Variants in TMEFF2 observed in about 807,000 individuals in gnomAD.
TMEFF2 encodes the protein transmembrane protein with EGF like and two follistatin like domains 2.
In TMEFF2, 28 loss-of-function variants were observed where a neutral mutation model predicts 53.8. The observed-to-expected ratio is 0.52, with a 90% confidence interval of 0.39 to 0.71. The LOEUF is 0.71. TMEFF2 is among the 30% of genes least tolerant of loss of function. The probability of loss-of-function intolerance (pLI) is 0.00; values close to 1 mark genes in which losing one functional copy is unlikely to be tolerated. For missense variants in TMEFF2, 353 were observed against 455.2 expected (o/e 0.78, Z 2.04); for synonymous variants, 162 against 166.3 (o/e 0.97, Z 0.20).
At chr2:192,086,428 A>T (rs1459812605) in intron 4 of TMEFF2, among the ~76,000 whole-genome samples, 1 of 152,132 alleles carries the variant, frequency 6.6e-6, no homozygotes, top group Non-Finnish European at 1.5e-5. Context: ...ATGTCTACCA[A>T]ATCCCTGATT....
In TMEFF2 at chr2:192,177,151, A is replaced by G. The variant is rs549004792; in HGVS notation, c.439+2517T>C. 7 of 151,404 alleles carry G rather than the reference A, an allele frequency of 4.6e-5. No individual in the cohort carries two copies. The East Asian group carries it at 9.7e-4, about 21-fold the overall frequency. 9.4% of individuals were successfully genotyped at this position (151,404 alleles called of 1,614,324 possible). A position where few individuals can be genotyped will look rare whatever the true frequency, so the allele number is the denominator to read the frequency against. On this transcript the variant is annotated intron_variant, in intron 4 of 9. Transcript: ENST00000272771. Reference sequence around the variant, plus strand: ...TTACAATTGTTGGATTAGCCAAACAATCACAAGTTATTCAATCACTTTTGC... The same window carrying G: ...TTACAATTGTTGGATTAGCCAAACAGTCACAAGTTATTCAATCACTTTTGC...
intron 4 of TMEFF2, among the ~76,000 whole-genome samples, chr2:192,075,577 C>T (rs1205640980): frequency 6.6e-6 from 1 of 151,248 alleles, no homozygotes; most frequent in Non-Finnish European, 1.5e-5. Context: ...TAAAGCAAAA[C>T]GAAGGCATAT....
chr2:192,037,289 G>GAAAGA (rs1553515703), intron 5 of TMEFF2, among the ~76,000 whole-genome samples: 1 of 128,256 alleles, frequency 7.8e-6, no homozygotes, highest in Non-Finnish European at 1.6e-5. Context: ...AAGAAAGAAA[G>GAAAGA]AAAGAAAGAA....
intron 4 of TMEFF2, among the ~76,000 whole-genome samples, chr2:192,156,118 G>A (rs2106005856): frequency 6.6e-6 from 1 of 151,924 alleles, no homozygotes; most frequent in African/African-American, 2.4e-5. Flanking sequence ...TACTTAGGCT[G>A]GTGCCCAGGA....
At chr2:192,170,218 CA>C (rs1690873199) in intron 4 of TMEFF2, among the ~76,000 whole-genome samples, 1 of 152,028 alleles carries the variant, frequency 6.6e-6, no homozygotes, top group Non-Finnish European at 1.5e-5. Context: ...TATAGCTCCA[CA>C]TGTCCTTTCA....
chr2:191,990,972 A>T (rs1056610918), intron 7 of TMEFF2, among the ~76,000 whole-genome samples: 2 of 152,072 alleles, frequency 1.3e-5, no homozygotes, highest in Non-Finnish European at 2.9e-5. Flanking sequence ...ATATGATATC[A>T]TCATTCTGCA....
At chr2:191,974,268 T>G (rs10204168) in intron 7 of TMEFF2, among the ~76,000 whole-genome samples, 11,163 of 150,166 alleles carry the variant, frequency 0.074, 447 homozygotes, top group Middle Eastern at 0.11. Context: ...AGAATTTTTT[T>G]TGTGTGTGTG....
intron 5 of TMEFF2, among the ~76,000 whole-genome samples, chr2:192,017,961 C>T (rs1332547417): frequency 6.6e-6 from 1 of 152,160 alleles, no homozygotes; most frequent in Non-Finnish European, 1.5e-5. Context: ...TTGATATATC[C>T]TTTCTTACCT....
At chr2:192,039,658 G>A (rs1028227984) in intron 5 of TMEFF2, among the ~76,000 whole-genome samples, 7 of 152,042 alleles carry the variant, frequency 4.6e-5, no homozygotes, top group Non-Finnish European at 7.4e-5. Context: ...TGAATAAATC[G>A]GAGAATGGTT....
At chr2:192,015,308 CTTT>C (rs34696715) in intron 5 of TMEFF2, among the ~76,000 whole-genome samples, 3 of 76,276 alleles carry the variant, frequency 3.9e-5, no homozygotes, top group Admixed American at 4.0e-4. Context: ...ATCACTGAAG[CTTT>C]TTTTTTTTTT....
At chr2:192,127,929 C>T (rs1480171601) in intron 4 of TMEFF2, among the ~76,000 whole-genome samples, 2 of 152,064 alleles carry the variant, frequency 1.3e-5, no homozygotes, top group Non-Finnish European at 1.5e-5. Flanking sequence ...TCTTTGGAAA[C>T]CCATTAATTT....
chr2:192,021,770 G>T, intron 5 of TMEFF2: 1 of 152,376 alleles, frequency 6.6e-6, no homozygotes, highest in Non-Finnish European at 1.5e-5. Context: ...ATGGAGGTGT[G>T]GGAAATCTAA....
At chr2:192,000,474 A>G (rs1272599946) in intron 5 of TMEFF2, among the ~76,000 whole-genome samples, 1 of 152,176 alleles carries the variant, frequency 6.6e-6, no homozygotes, top group East Asian at 1.9e-4. Flanking sequence ...CTCTAATACC[A>G]CAGACTGTGT....
intron 4 of TMEFF2, among the ~76,000 whole-genome samples, chr2:192,173,716 T>C (rs1690970460): frequency 6.6e-6 from 1 of 151,824 alleles, no homozygotes; most frequent in Non-Finnish European, 1.5e-5. Context: ...ATTATGTGTA[T>C]TAACACAGTG....
intron 7 of TMEFF2, among the ~76,000 whole-genome samples, chr2:191,958,426 T>G (rs569489577): frequency 3.9e-5 from 6 of 152,234 alleles, no homozygotes; most frequent in Non-Finnish European, 8.8e-5. Flanking sequence ...ATTAGGACTA[T>G]TTTTCTTTCT....
intron 4 of TMEFF2, among the ~76,000 whole-genome samples, chr2:192,136,005 G>C (rs374811352): frequency 6.6e-6 from 1 of 150,938 alleles, no homozygotes; most frequent in South Asian, 2.1e-4. Context: ...ATCTCCCTTC[G>C]CTGACTCTCT....
chr2:191,986,264 G>T (rs112505358), intron 7 of TMEFF2, among the ~76,000 whole-genome samples: 24 of 152,294 alleles, frequency 1.6e-4, no homozygotes, highest in African/African-American at 5.8e-4. Flanking sequence ...AACAGTCAGT[G>T]TTTGGCTCAG....
chr2:192,068,913 T>C (rs1398749840), intron 4 of TMEFF2, among the ~76,000 whole-genome samples: 1 of 151,336 alleles, frequency 6.6e-6, no homozygotes. Context: ...GTAGCAATAA[T>C]TTTTTTGAAT....
chr2:192,118,162 T>C (rs558942749), intron 4 of TMEFF2, among the ~76,000 whole-genome samples: 8 of 152,126 alleles, frequency 5.3e-5, no homozygotes, highest in Middle Eastern at 3.2e-3. Context: ...AGTCTCAATT[T>C]TGTAAGCTTC....
Sources: allele counts gnomAD v4.1 joint callset (sites outside exome capture counted in the v4.1 genomes callset), GRCh38; gene constraint gnomAD v4.1.1; transcripts MANE v1.5; gene names NCBI Gene and HGNC (gene_info 2026-07-23, HGNC 2026-07-21).